GATAD2A: variants seen among roughly 807,000 people sequenced by gnomAD.
The protein encoded by GATAD2A is transcriptional repressor p66-alpha.
A neutral mutation model predicts 68.5 loss-of-function variants in GATAD2A; 12 were observed. That is an observed-to-expected ratio of 0.18 (90% CI 0.11 to 0.28). The LOEUF (loss-of-function observed/expected upper bound fraction) is 0.28, where lower values mean the gene tolerates loss of function less well. GATAD2A is among the 10% of genes least tolerant of loss of function. The pLI is 1.00. For synonymous variants in GATAD2A, 410 were observed against 375.3 expected (o/e 1.09, Z -1.07); for missense variants, 755 against 868.5 (o/e 0.87, Z 1.64).
intron 1 of GATAD2A, among the ~76,000 whole-genome samples, chr19:19,458,796 G>T (rs1210998859): frequency 5.9e-5 from 9 of 152,138 alleles, no homozygotes; most frequent in Admixed American, 5.9e-4. Context: ...CTGGAAGAAT[G>T]GGCAGTGGTA....
intron 1 of GATAD2A, among the ~76,000 whole-genome samples, chr19:19,437,839 T>G (rs537677313): frequency 7.9e-5 from 12 of 152,328 alleles, no homozygotes; most frequent in Admixed American, 3.3e-4. Context: ...GACATTTGAG[T>G]TGTTTCTACT....
chr19:19,402,962 G>A (rs969359949), upstream of GATAD2A, among the ~76,000 whole-genome samples: 3 of 151,816 alleles, frequency 2.0e-5, no homozygotes, highest in Non-Finnish European at 4.4e-5. Context: ...TAGTAGAGAT[G>A]AGGTTTCACT....
intron 1 of GATAD2A, among the ~76,000 whole-genome samples, chr19:19,438,401 C>T (rs1288067872): frequency 3.3e-5 from 5 of 152,174 alleles, no homozygotes; most frequent in African/African-American, 1.2e-4. Flanking sequence ...GGCCACTGTG[C>T]CCAGCTTGAG....
chr19:19,419,234 T>C (rs186271268), intron 1 of GATAD2A, among the ~76,000 whole-genome samples: 2 of 152,242 alleles, frequency 1.3e-5, no homozygotes, highest in Non-Finnish European at 1.5e-5. Context: ...TTGGCATGCA[T>C]GTGTGTCACA....
intron 2 of GATAD2A, among the ~76,000 whole-genome samples, 191 bp downstream of exon 2, chr19:19,465,805 C>T (rs1183338993): frequency 6.6e-6 from 1 of 152,260 alleles, no homozygotes; most frequent in Non-Finnish European, 1.5e-5. Context: ...CCCCAGGTCC[C>T]AACTGCAAGT....
At chr19:19,450,896 G>A (rs929398926) in intron 1 of GATAD2A, among the ~76,000 whole-genome samples, 11 of 150,778 alleles carry the variant, frequency 7.3e-5, no homozygotes, top group African/African-American at 2.0e-4. Context: ...TCAGCCTCCC[G>A]AGTAGCTGGG....
chr19:19,419,282 C>T (rs1052801981), intron 1 of GATAD2A, among the ~76,000 whole-genome samples: 19 of 152,096 alleles, frequency 1.2e-4, no homozygotes, highest in African/African-American at 4.6e-4. Context: ...AGTTTATGAC[C>T]CAGGCCGGGT....
intron 1 of GATAD2A, among the ~76,000 whole-genome samples, chr19:19,417,107 A>G (rs2051741332): frequency 6.6e-6 from 1 of 152,186 alleles, no homozygotes; most frequent in South Asian, 2.1e-4. Context: ...TTAGAGCTTA[A>G]GCTGCTTCGG....
chr19:19,462,645 G>T (rs1327696358), intron 1 of GATAD2A, among the ~76,000 whole-genome samples: 1 of 152,246 alleles, frequency 6.6e-6, no homozygotes, highest in East Asian at 1.9e-4. Context: ...CACAACAGGG[G>T]GCCCAACAAG....
At chr19:19,397,643 C>G (rs778222750) in intron 1 of GATAD2A, among the ~76,000 whole-genome samples, 8 of 152,212 alleles carry the variant, frequency 5.3e-5, no homozygotes, top group Non-Finnish European at 1.2e-4. Context: ...AAAGGAGCTT[C>G]AAGAGAACAG....
intron 9 of GATAD2A, among the ~76,000 whole-genome samples, chr19:19,501,734 GTGT>G (rs1600307884): frequency 1.3e-5 from 2 of 152,300 alleles, no homozygotes; most frequent in South Asian, 4.2e-4. Flanking sequence ...TTTTGTTCTC[GTGT>G]TGTTTTATTT....
chr19:19,419,468 T>A (rs2052068532), intron 1 of GATAD2A, among the ~76,000 whole-genome samples: 1 of 151,690 alleles, frequency 6.6e-6, no homozygotes, highest in African/African-American at 2.4e-5. Flanking sequence ...AACGTGCACT[T>A]AGAGGAATAG....
intron 1 of GATAD2A, among the ~76,000 whole-genome samples, chr19:19,439,195 C>T (rs1031747120): frequency 2.0e-5 from 3 of 152,238 alleles, no homozygotes. Context: ...CTTATGGGCA[C>T]AGGGGCAGTC....
chr19:19,504,483 C>T (rs901725966), intron 11 of GATAD2A, among the ~76,000 whole-genome samples: 2 of 151,966 alleles, frequency 1.3e-5, no homozygotes, highest in Non-Finnish European at 2.9e-5. Context: ...ATGAGAGACC[C>T]TTACTGGACG....
chr19:19,400,361 G>A (rs1244075379), intron 1 of GATAD2A, among the ~76,000 whole-genome samples: 2 of 152,212 alleles, frequency 1.3e-5, no homozygotes, highest in African/African-American at 4.8e-5. Context: ...ATTGTGGTTA[G>A]AGACGACATT....
intron 2 of GATAD2A, among the ~76,000 whole-genome samples, chr19:19,465,910 G>A (rs545627923): frequency 7.9e-4 from 121 of 152,366 alleles, no homozygotes; most frequent in Non-Finnish European, 2.8e-4. Flanking sequence ...CCTGCTGTCT[G>A]TCCAACTCGG....
chr19:19,392,067 T>A (rs1285985813), intron 1 of GATAD2A, among the ~76,000 whole-genome samples: 1 of 150,078 alleles, frequency 6.7e-6, no homozygotes, highest in African/African-American at 2.4e-5. Flanking sequence ...GTCTTTTGAA[T>A]AAGAGTTTTT....
chr19:19,479,904 C>T (rs369914172), intron 2 of GATAD2A, among the ~76,000 whole-genome samples: 1 of 130,874 alleles, frequency 7.6e-6, no homozygotes, highest in Non-Finnish European at 1.5e-5. Flanking sequence ...ATGGCATGAT[C>T]TCGGCTCACT....
chr19:19,507,058 TTATC>T lies in GATAD2A; in HGVS notation c.*1587_*1590del, dbSNP rs1185944734. 3 of 152,086 alleles carry T rather than the reference TTATC, an allele frequency of 2.0e-5. No individual in the cohort carries two copies. The highest frequency in any genetic ancestry group is 7.2e-5 in the African/African-American group (3 of 41,402). The allele number at this position is 152,086 out of a possible 1,614,324, so 9.4% of individuals were successfully genotyped here. A position where few individuals can be genotyped will look rare whatever the true frequency, so the allele number is the denominator to read the frequency against. On this transcript the variant is annotated 3_prime_UTR_variant, in exon 12 of 12. Coordinates refer to ENST00000683918, the MANE Select transcript of GATAD2A (RefSeq NM_001384528.1). ...ATAGAAGACCTAGTTTTGGAAAACA[TTATC>T]TAATTTTTTGTTGTGCAAATCCCCA...
Sources: gnomAD v4.1 joint callset for allele counts (sites outside exome capture counted in the v4.1 genomes callset) on GRCh38, gnomAD v4.1.1 for gene constraint, MANE v1.5 for transcripts, NCBI Gene and HGNC (gene_info 2026-07-23, HGNC 2026-07-21) for gene names.